Variants in KLHL3 observed in about 807,000 individuals in gnomAD.
KLHL3 encodes kelch like family member 3.
In KLHL3, 19 loss-of-function variants were observed where a neutral mutation model predicts 70.5. The observed-to-expected ratio is 0.27, with a 90% confidence interval of 0.19 to 0.40. KLHL3 has a LOEUF of 0.40. Ranked by LOEUF, KLHL3 falls within the 10% of genes least tolerant of loss-of-function variation. The probability of loss-of-function intolerance (pLI) is 1.00; values close to 1 mark genes in which losing one functional copy is unlikely to be tolerated. For missense variants in KLHL3, 512 were observed against 771.1 expected (o/e 0.66, Z 3.98); for synonymous variants, 258 against 290.3 (o/e 0.89, Z 1.13).
In KLHL3 at chr5:137,711,647, A is replaced by G. The variant is rs1226795494; in HGVS notation, c.135-1791T>C. Among the ~76,000 whole-genome samples the G allele has an allele frequency of 2.6e-5, 4 of 152,290 alleles. No individual in the cohort carries two copies. In the East Asian group the frequency reaches 7.7e-4, roughly 29 times the overall value. On this transcript the variant is annotated intron_variant, in intron 2 of 14. Transcript: ENST00000309755. ...ATCAGGATAAACCAGTGCAACCAGG[A>G]ACAGAACTGGCTCTTCCCCTAACTG...
chr5:137,685,827 A>G (rs1236601588), intron 5 of KLHL3, among the ~76,000 whole-genome samples: 3 of 152,292 alleles, frequency 2.0e-5, no homozygotes, highest in African/African-American at 7.2e-5. Flanking sequence ...GTACCTGGCT[A>G]AAATGTTTTT....
At chr5:137,625,127 C>A (rs1750426998) in intron 14 of KLHL3, among the ~76,000 whole-genome samples, 1 of 152,222 alleles carries the variant, frequency 6.6e-6, no homozygotes, top group Non-Finnish European at 1.5e-5. Context: ...AAGATGAGAA[C>A]AAATGCACAC....
chr5:137,735,959 C>A lies in KLHL3; in HGVS notation c.-313G>T. Reference sequence around the variant, plus strand: ...TTGCTGCTCCTTGGTCTCCTAGGAACGGCGGCAGCTCCAGCGACCCAGGTG... The same window carrying A: ...TTGCTGCTCCTTGGTCTCCTAGGAAAGGCGGCAGCTCCAGCGACCCAGGTG... On this transcript the variant is annotated 5_prime_UTR_variant, in exon 1 of 15. Transcript: ENST00000309755. 1 of 465,316 alleles carries A rather than the reference C, an allele frequency of 2.1e-6. No homozygotes were observed. Among genetic ancestry groups the A allele is most frequent in the South Asian group, 2.2e-5 (1 of 44,892 alleles). 28.8% of individuals were successfully genotyped at this position (465,316 alleles called of 1,614,324 possible).
At chr5:137,725,761 C>A (rs1753076269) in intron 1 of KLHL3, among the ~76,000 whole-genome samples, 1 of 152,204 alleles carries the variant, frequency 6.6e-6, no homozygotes, top group South Asian at 2.1e-4. Context: ...TCCACACTGG[C>A]CTGTTACTAG....
At chr5:137,679,198 G>A (rs539777196) in intron 5 of KLHL3, among the ~76,000 whole-genome samples, 1 of 151,782 alleles carries the variant, frequency 6.6e-6, no homozygotes, top group South Asian at 2.1e-4. Flanking sequence ...GGAAAGTACT[G>A]GATTCTCCCT....
chr5:137,647,550 C>G (rs573784210), intron 8 of KLHL3: 1 of 472,186 alleles, frequency 2.1e-6, no homozygotes, highest in Admixed American at 2.3e-5. Flanking sequence ...CTTCTGTGAC[C>G]GGTGAGCTGG....
chr5:137,720,838 T>C, intron 1 of KLHL3: 2 of 1,301,094 alleles, frequency 1.5e-6, no homozygotes, highest in Non-Finnish European at 2.0e-6. Flanking sequence ...GTGAGGTCCT[T>C]ATTCTCCATC....
intron 2 of KLHL3, among the ~76,000 whole-genome samples, chr5:137,713,051 C>A (rs1232990771): frequency 6.7e-6 from 1 of 150,362 alleles, no homozygotes; most frequent in East Asian, 1.9e-4. Context: ...TTTGAGCTGC[C>A]CACTGGACAC....
intron 1 of KLHL3, among the ~76,000 whole-genome samples, chr5:137,723,940 C>T (rs1266002867): frequency 6.6e-6 from 1 of 152,134 alleles, no homozygotes; most frequent in East Asian, 1.9e-4. Context: ...TAAATTTTAT[C>T]AAATGTCTTT....
intron 8 of KLHL3, 149 bp from the exon 9 acceptor site, chr5:137,640,126 G>T: frequency 1.5e-6 from 1 of 657,344 alleles, no homozygotes; most frequent in South Asian, 1.9e-5. Context: ...TGCTGCTCCT[G>T]GTCACCAACA....
At chr5:137,645,280 T>C (rs892986196) in intron 8 of KLHL3, among the ~76,000 whole-genome samples, 1 of 152,194 alleles carries the variant, frequency 6.6e-6, no homozygotes, top group African/African-American at 2.4e-5. Flanking sequence ...CTTTCTCCAC[T>C]TCTATCCAAC....
chr5:137,700,600 T>C (rs1752546370), intron 3 of KLHL3, among the ~76,000 whole-genome samples: 1 of 152,242 alleles, frequency 6.6e-6, no homozygotes, highest in African/African-American at 2.4e-5. Context: ...TATCAGATTC[T>C]TACAGGCGTC....
chr5:137,717,391 A>G (rs1752914431), intron 2 of KLHL3, among the ~76,000 whole-genome samples: 1 of 152,238 alleles, frequency 6.6e-6, no homozygotes, highest in Admixed American at 6.5e-5. Flanking sequence ...TTGGCTGGGC[A>G]TGGTGGCAGG....
At chr5:137,654,140 T>G (rs1751281548) in intron 8 of KLHL3, among the ~76,000 whole-genome samples, 1 of 152,236 alleles carries the variant, frequency 6.6e-6, no homozygotes, top group Non-Finnish European at 1.5e-5. Context: ...CTTTTTGTAG[T>G]GATTAAAATA....
At chr5:137,653,973 T>C (rs1328960584) in intron 8 of KLHL3, among the ~76,000 whole-genome samples, 1 of 152,058 alleles carries the variant, frequency 6.6e-6, no homozygotes, top group Non-Finnish European at 1.5e-5. Context: ...TGCATTATGG[T>C]AAGAAAAACA....
intron 1 of KLHL3, among the ~76,000 whole-genome samples, 178 bp downstream of exon 1, chr5:137,735,455 G>A (rs1753246407): frequency 6.6e-6 from 1 of 152,228 alleles, no homozygotes; most frequent in Non-Finnish European, 1.5e-5. Context: ...TCAAGCCCTG[G>A]AACGGGTGAT....
intron 3 of KLHL3, among the ~76,000 whole-genome samples, chr5:137,701,467 C>T (rs1290455493): frequency 1.3e-5 from 2 of 152,080 alleles, no homozygotes; most frequent in Non-Finnish European, 2.9e-5. Flanking sequence ...AAAATCTCAC[C>T]CTAACTAATA....
intron 8 of KLHL3, among the ~76,000 whole-genome samples, 154 bp from the exon 9 acceptor site, chr5:137,640,131 C>G (rs1443198145): frequency 6.6e-6 from 1 of 152,198 alleles, no homozygotes; most frequent in African/African-American, 2.4e-5. Context: ...CTCCTGGTCA[C>G]CAACAGGTAT....
chr5:137,658,057 T>C, intron 8 of KLHL3, 74 bp downstream of exon 8: 2 of 1,445,714 alleles, frequency 1.4e-6, no homozygotes, highest in South Asian at 2.6e-5. Context: ...GAGGAAAGAC[T>C]TGGAGGCAGG....
Sources: allele counts gnomAD v4.1 joint callset (sites outside exome capture counted in the v4.1 genomes callset), GRCh38; gene constraint gnomAD v4.1.1; transcripts MANE v1.5; gene names NCBI Gene and HGNC (gene_info 2026-07-23, HGNC 2026-07-21).